PDZRN4: variants seen among roughly 807,000 people sequenced by gnomAD.
PDZRN4 encodes PDZ domain containing ring finger 4, also known as PDZ domain-containing RING finger protein 4.
Under a neutral mutation model 99.0 loss-of-function variants are expected in PDZRN4, and 70 were observed. That is an observed-to-expected ratio of 0.71 (90% CI 0.58 to 0.86). The LOEUF (loss-of-function observed/expected upper bound fraction) is 0.86, where lower values mean the gene tolerates loss of function less well. Ranked by LOEUF, PDZRN4 falls within the 40% of genes least tolerant of loss-of-function variation. The probability of loss-of-function intolerance (pLI) is 0.00; values close to 1 mark genes in which losing one functional copy is unlikely to be tolerated. For missense variants in PDZRN4, 1,474 were observed against 1,331.2 expected (o/e 1.11, Z -1.67); for synonymous variants, 551 against 501.6 (o/e 1.10, Z -1.32).
intron 3 of PDZRN4, among the ~76,000 whole-genome samples, chr12:41,456,691 C>T (rs1294764566): frequency 1.3e-5 from 2 of 152,154 alleles, no homozygotes; most frequent in South Asian, 2.1e-4. Context: ...TTTGAACTGG[C>T]TTAACCACAT....
chr12:41,418,678 TA>T (rs1952464814), intron 3 of PDZRN4, among the ~76,000 whole-genome samples: 1 of 152,202 alleles, frequency 6.6e-6, no homozygotes, highest in Admixed American at 6.5e-5. Flanking sequence ...AGTTTGTTGT[TA>T]TGTAAAACAA....
At chr12:41,329,702 T>C (rs1256061338) in intron 3 of PDZRN4, among the ~76,000 whole-genome samples, 3 of 152,168 alleles carry the variant, frequency 2.0e-5, no homozygotes, top group Admixed American at 6.6e-5. Context: ...AGATTCTTAA[T>C]TGCTGATTAA....
At position 41,404,201 on chromosome 12, in the gene PDZRN4, GGT is replaced by G. The variant is rs1952325599; in HGVS notation, c.844-102254_844-102253del. On this transcript the variant is annotated intron_variant, in intron 3 of 9. Transcript: ENST00000402685. ...ATTTTTTCAAATATTTTCGATCTGCGGTTGGTTGAATCCACAGATGCAAAACC... is the reference window on the plus strand; with the variant it reads ...ATTTTTTCAAATATTTTCGATCTGCGTGGTTGAATCCACAGATGCAAAACC... 8.0e-5 allele frequency among the ~76,000 whole-genome samples: 12 copies of G among 150,896 alleles called. No individual in the cohort carries two copies. In the South Asian group the frequency reaches 2.3e-3, roughly 29 times the overall value.
intron 5 of PDZRN4, among the ~76,000 whole-genome samples, chr12:41,516,672 T>C (rs1055820999): frequency 4.6e-5 from 7 of 152,022 alleles, no homozygotes; most frequent in African/African-American, 1.7e-4. Flanking sequence ...TGCTAATTTA[T>C]GTAGTTAAAG....
chr12:41,567,849 G>C lies in PDZRN4; in HGVS notation c.1534G>C (p.Glu512Gln). 1 of 1,613,630 alleles carries C rather than the reference G, an allele frequency of 6.2e-7. No homozygotes were observed. The highest frequency in any genetic ancestry group is 8.5e-7 in the Non-Finnish European group (1 of 1,179,726). The change falls in exon 9 of 10, where the codon GAA becomes CAA. Residue 512 changes from glutamate to glutamine, a missense_variant. Transcript: ENST00000402685. ...AGAGGAGTTAAACTTGGAGATGTTGGAAGAAGAGCATAATGAAGCAATGCA... is the reference window on the plus strand; with the variant it reads ...AGAGGAGTTAAACTTGGAGATGTTGCAAGAAGAGCATAATGAAGCAATGCA... The part of the protein sequence containing the change: ...FLEELNLEML[E>Q]EEHNEAMQPT...
chr12:41,432,842 A>G (rs11611727), intron 3 of PDZRN4, among the ~76,000 whole-genome samples: 21,646 of 152,216 alleles, frequency 0.14, 1,740 homozygotes, highest in South Asian at 0.26. Flanking sequence ...CATCTGGAGC[A>G]CAGGTAGGGA....
chr12:41,392,219 G>A (rs1401244632), intron 3 of PDZRN4, among the ~76,000 whole-genome samples: 1 of 151,904 alleles, frequency 6.6e-6, no homozygotes, highest in Non-Finnish European at 1.5e-5. Context: ...GCTTCCACTG[G>A]TGTTCCTCTA....
intron 3 of PDZRN4, among the ~76,000 whole-genome samples, chr12:41,461,614 G>T (rs1394201128): frequency 6.6e-6 from 1 of 152,038 alleles, no homozygotes; most frequent in African/African-American, 2.4e-5. Flanking sequence ...ATATTAACCA[G>T]ATTTACCCAA....
intron 3 of PDZRN4, among the ~76,000 whole-genome samples, chr12:41,461,060 C>T (rs777415279): frequency 6.6e-6 from 1 of 152,158 alleles, no homozygotes; most frequent in Non-Finnish European, 1.5e-5. Flanking sequence ...AAAAGTGCAG[C>T]AGTTTCCCTG....
intron 3 of PDZRN4, among the ~76,000 whole-genome samples, chr12:41,293,762 C>A (rs1951472456): frequency 6.6e-6 from 1 of 152,096 alleles, no homozygotes; most frequent in African/African-American, 2.4e-5. Flanking sequence ...GTTCCCTGAT[C>A]CCATTTGTCC....
intron 3 of PDZRN4, among the ~76,000 whole-genome samples, chr12:41,383,354 T>C (rs1192161889): frequency 6.6e-6 from 1 of 152,210 alleles, no homozygotes; most frequent in Non-Finnish European, 1.5e-5. Flanking sequence ...AAAAGAAATA[T>C]GAAAAGCAAT....
At chr12:41,473,455 A>G (rs912290431) in intron 3 of PDZRN4, 4 of 152,186 alleles carry the variant, frequency 2.6e-5, no homozygotes, top group Non-Finnish European at 5.9e-5. Context: ...TAAAACCAAT[A>G]GAAGTTCAAG....
intron 7 of PDZRN4, among the ~76,000 whole-genome samples, chr12:41,562,426 A>G (rs934213437): frequency 6.6e-6 from 1 of 152,152 alleles, no homozygotes; most frequent in Non-Finnish European, 1.5e-5. Flanking sequence ...AGTGAAAGAC[A>G]TTAGATTATT....
chr12:41,262,508 ATTC>A (rs1391074054), intron 3 of PDZRN4, among the ~76,000 whole-genome samples: 3 of 152,206 alleles, frequency 2.0e-5, no homozygotes, highest in African/African-American at 7.2e-5. Flanking sequence ...GTAATGTGTA[ATTC>A]TTATAATAAT....
chr12:41,438,670 GA>G (rs1238751456), intron 3 of PDZRN4, among the ~76,000 whole-genome samples: 1 of 152,080 alleles, frequency 6.6e-6, no homozygotes, highest in African/African-American at 2.4e-5. Flanking sequence ...AGGTGACCTA[GA>G]AAAAAGTGTA....
intron 5 of PDZRN4, among the ~76,000 whole-genome samples, chr12:41,532,486 G>A (rs896124999): frequency 5.9e-5 from 9 of 152,160 alleles, no homozygotes; most frequent in Non-Finnish European, 2.9e-5. Flanking sequence ...CACTTAGGAA[G>A]AACTGACTCT....
chr12:41,443,603 C>T lies in PDZRN4; in HGVS notation c.844-62853C>T, dbSNP rs139678639. Among the ~76,000 whole-genome samples, 6 of 152,110 alleles carry T rather than the reference C, an allele frequency of 3.9e-5. No homozygotes were observed. The East Asian group carries it at 1.2e-3, about 29-fold the overall frequency. On this transcript the variant is annotated intron_variant, in intron 3 of 9. Transcript: ENST00000402685. Reference sequence around the variant, plus strand: ...TTGGGCTTGATTTGGGGATGGTGCACTACAGCAAGACTACAACAAGCGAAA... The same window carrying T: ...TTGGGCTTGATTTGGGGATGGTGCATTACAGCAAGACTACAACAAGCGAAA...
intron 3 of PDZRN4, among the ~76,000 whole-genome samples, chr12:41,255,821 G>A (rs1297429047): frequency 6.6e-6 from 1 of 152,176 alleles, no homozygotes; most frequent in Non-Finnish European, 1.5e-5. Flanking sequence ...AGGGAGCAAA[G>A]AGAGAGAGCA....
intron 3 of PDZRN4, among the ~76,000 whole-genome samples, chr12:41,331,758 C>T (rs1265489402): frequency 1.3e-5 from 2 of 152,006 alleles, no homozygotes; most frequent in Admixed American, 6.6e-5. Context: ...TGAAAGGCAC[C>T]TCTTTATAGG....
Sources: allele counts gnomAD v4.1 joint callset (sites outside exome capture counted in the v4.1 genomes callset), GRCh38; gene constraint gnomAD v4.1.1; transcripts MANE v1.5; gene names NCBI Gene and HGNC (gene_info 2026-07-23, HGNC 2026-07-21).